DDAH1: variants seen among roughly 807,000 people sequenced by gnomAD.
The protein encoded by DDAH1 is dimethylarginine dimethylaminohydrolase 1.
Under a neutral mutation model 28.8 loss-of-function variants are expected in DDAH1, and 19 were observed. That is an observed-to-expected ratio of 0.66 (90% CI 0.46 to 0.97). DDAH1 has a LOEUF of 0.97. Among genes scored for constraint, DDAH1 ranks in the 50% least tolerant of loss-of-function variants. The pLI is 0.00. For missense variants in DDAH1, 326 were observed against 375.9 expected, an observed-to-expected ratio of 0.87 and a Z score of 1.10; for synonymous variants, 153 against 154.4, an observed-to-expected ratio of 0.99 and a Z score of 0.07.
At chr1:85,440,779 C>A (rs1308044685) in intron 1 of DDAH1, among the ~76,000 whole-genome samples, 2 of 149,336 alleles carry the variant, frequency 1.3e-5, no homozygotes, top group South Asian at 4.6e-4. Flanking sequence ...CTTAACACTA[C>A]CTTCTCTGTC....
rs572211945 is a variant in DDAH1 at position 85,535,982 on chromosome 1, C to T, written c.-122-39701G>A. Among the ~76,000 whole-genome samples, 20 of 152,250 alleles carry T rather than the reference C, an allele frequency of 1.3e-4. No individual in the cohort carries two copies. The South Asian group carries it at 1.5e-3, about 11-fold the overall frequency. ...GAAGTCCAAATCAAAACCACGAGGC[C>T]GGGTGTGGTGGCTTGTGCTTGTAAT... On this transcript the variant is annotated intron_variant, in intron 1 of 6. Coordinates refer to the DDAH1 transcript ENST00000426972.
chr1:85,527,904 T>C (rs1657928893), intron 1 of DDAH1, among the ~76,000 whole-genome samples: 1 of 152,212 alleles, frequency 6.6e-6, no homozygotes, highest in Admixed American at 6.5e-5. Flanking sequence ...GATGTCTGTA[T>C]GCATGTACGT....
chr1:85,526,655 G>A (rs1425156152), intron 1 of DDAH1, among the ~76,000 whole-genome samples: 2 of 148,256 alleles, frequency 1.3e-5, no homozygotes, highest in African/African-American at 2.5e-5. Context: ...TGGGAAGAAG[G>A]GGGTAAAGAG....
rs146748833 is a variant in DDAH1 at position 85,549,153 on chromosome 1, G to C, written c.-123+28831C>G. On this transcript the variant is annotated intron_variant, in intron 1 of 6. Coordinates refer to the DDAH1 transcript ENST00000426972. The stretch of plus-strand genomic sequence containing the variant: ...GTATGAAAGCATGGGTTTTCATAAA[G>C]GTTTTTAGTCAAAAGCCATATTATC... Among the ~76,000 whole-genome samples, 465 of 152,200 alleles carry C rather than the reference G, an allele frequency of 3.1e-3. 1 individual carries two copies. Among genetic ancestry groups the C allele is most frequent in the Middle Eastern group, 0.01 (3 of 294 alleles).
upstream of DDAH1, among the ~76,000 whole-genome samples, chr1:85,469,001 A>G (rs1655521700): frequency 6.6e-6 from 1 of 152,114 alleles, no homozygotes; most frequent in African/African-American, 2.4e-5. Flanking sequence ...AAACCATATC[A>G]CTCACCTTCC....
intron 2 of DDAH1, among the ~76,000 whole-genome samples, chr1:85,490,435 A>G (rs934413089): frequency 2.6e-5 from 4 of 152,222 alleles, no homozygotes. Context: ...TAATGTAATG[A>G]TGAGTGGTCA....
intron 1 of DDAH1, among the ~76,000 whole-genome samples, chr1:85,557,210 G>A (rs1177784054): frequency 6.6e-6 from 1 of 152,136 alleles, no homozygotes; most frequent in East Asian, 1.9e-4. Flanking sequence ...GTGAAGACAG[G>A]AACTGTCTTT....
At chr1:85,392,677 C>T (rs1031452955) in intron 1 of DDAH1, among the ~76,000 whole-genome samples, 6 of 151,624 alleles carry the variant, frequency 4.0e-5, no homozygotes, top group Non-Finnish European at 8.8e-5. Context: ...CCTGTAATCC[C>T]AGCTACTCGG....
intron 2 of DDAH1, among the ~76,000 whole-genome samples, chr1:85,485,060 C>T (rs1182072591): frequency 6.6e-6 from 1 of 152,210 alleles, no homozygotes; most frequent in African/African-American, 2.4e-5. Flanking sequence ...GTTAAACTCA[C>T]ATTACATCAG....
At chr1:85,379,822 G>A (rs1282586108) in intron 1 of DDAH1, 1 of 495,758 alleles carries the variant, frequency 2.0e-6, no homozygotes, top group African/African-American at 2.1e-5. Flanking sequence ...CTCCTTCTGA[G>A]TTCCTCACTC....
intron 1 of DDAH1, among the ~76,000 whole-genome samples, chr1:85,570,973 C>A (rs886616362): frequency 6.6e-6 from 1 of 152,146 alleles, no homozygotes; most frequent in African/African-American, 2.4e-5. Context: ...GAGGACGGAA[C>A]TTGGAGTCAG....
chr1:85,387,031 C>A (rs368367656), intron 1 of DDAH1, among the ~76,000 whole-genome samples: 14 of 152,284 alleles, frequency 9.2e-5, no homozygotes, highest in African/African-American at 3.4e-4. Context: ...CTGGGCCATT[C>A]CCCTGAAACC....
chr1:85,382,496 G>C (rs1651044191), intron 1 of DDAH1, among the ~76,000 whole-genome samples: 1 of 152,230 alleles, frequency 6.6e-6, no homozygotes, highest in Non-Finnish European at 1.5e-5. Context: ...GATAAGTGCT[G>C]ATGTAGAAGC....
At chr1:85,446,373 T>C (rs1172302327) in intron 1 of DDAH1, among the ~76,000 whole-genome samples, 5 of 152,104 alleles carry the variant, frequency 3.3e-5, no homozygotes, top group Non-Finnish European at 7.4e-5. Flanking sequence ...GAGAACAGCA[T>C]GGGGAAAACC....
At position 85,462,092 on chromosome 1, in the gene DDAH1, CA is replaced by C. The variant is rs1221427889; in HGVS notation, c.303+2650del. ...ATCATAAATCTGGTATGGTGTATGG[CA>C]AGTGGCAAGTACCCAATAAATATTA... On this transcript the variant is annotated intron_variant, in intron 1 of 5. Coordinates refer to ENST00000284031, the MANE Select transcript of DDAH1 (RefSeq NM_012137.4). Among the ~76,000 whole-genome samples, 3 of 152,100 alleles carry C rather than the reference CA, an allele frequency of 2.0e-5. No homozygotes were observed. The East Asian group carries it at 5.8e-4, about 29-fold the overall frequency.
At chr1:85,356,178 A>G (rs888831936) in intron 2 of DDAH1, among the ~76,000 whole-genome samples, 15 of 152,146 alleles carry the variant, frequency 9.9e-5, no homozygotes, top group Admixed American at 7.9e-4. Context: ...TAAACATTTT[A>G]TAACTCTTTT....
chr1:85,411,714 C>T (rs1652662306), intron 1 of DDAH1, among the ~76,000 whole-genome samples: 1 of 152,188 alleles, frequency 6.6e-6, no homozygotes, highest in South Asian at 2.1e-4. Flanking sequence ...AACTGCTGAG[C>T]CATTTGAAGG....
At chr1:85,512,752 T>A (rs1165124520) in intron 1 of DDAH1, among the ~76,000 whole-genome samples, 1 of 152,158 alleles carries the variant, frequency 6.6e-6, no homozygotes, top group Non-Finnish European at 1.5e-5. Flanking sequence ...CATTCACAAC[T>A]GCTACAAAGA....
Position 85,330,900 on chromosome 1 carries a change from A to G in DDAH1, c.598-6017T>C, listed in dbSNP as rs898448235. Among the ~76,000 whole-genome samples the G allele has an allele frequency of 2.2e-4, 33 of 152,358 alleles. No homozygotes were observed. The South Asian group carries it at 2.3e-3, about 11-fold the overall frequency. On this transcript the variant is annotated intron_variant, in intron 4 of 5. Coordinates refer to ENST00000284031, the MANE Select transcript of DDAH1 (RefSeq NM_012137.4). ...CTATCATTTAAGGCAGGACAAGCACATGAAGAGTATGCTAGCAGTAAAAAG... is the reference window on the plus strand; with the variant it reads ...CTATCATTTAAGGCAGGACAAGCACGTGAAGAGTATGCTAGCAGTAAAAAG...
Sources: allele counts gnomAD v4.1 joint callset (sites outside exome capture counted in the v4.1 genomes callset), GRCh38; gene constraint gnomAD v4.1.1; transcripts MANE v1.5; gene names NCBI Gene and HGNC (gene_info 2026-07-23, HGNC 2026-07-21).